Variants in SERPINB12 observed in about 807,000 individuals in gnomAD.
SERPINB12 encodes serpin B12.
Under a neutral mutation model 41.1 loss-of-function variants are expected in SERPINB12, and 57 were observed. The ratio of observed to expected loss-of-function variants is 1.39; its 90% CI spans 1.12 to 1.73. The LOEUF (loss-of-function observed/expected upper bound fraction) is 1.73, where lower values mean the gene tolerates loss of function less well. Among genes scored for constraint, SERPINB12 ranks in the 40% most tolerant of loss-of-function variants. The probability of loss-of-function intolerance (pLI) is 0.00; values close to 1 mark genes in which losing one functional copy is unlikely to be tolerated. For missense variants in SERPINB12, 536 were observed against 501.9 expected, an observed-to-expected ratio of 1.07 and a Z score of -0.65; for synonymous variants, 180 against 181.3, an observed-to-expected ratio of 0.99 and a Z score of 0.06.
At chr18:63,566,551 G>A (rs1382574851) in intron 7 of SERPINB12, 56 bp from the exon 8 acceptor site, 4 of 1,490,208 alleles carry the variant, frequency 2.7e-6, no homozygotes, top group Admixed American at 4.1e-5. Flanking sequence ...AAGTAATTGG[G>A]GCATTCTTTG....
At chr18:63,545,213 ATTTT>A (rs570308273) in intron 1 of SERPINB12, among the ~76,000 whole-genome samples, 1 of 141,574 alleles carries the variant, frequency 7.1e-6, no homozygotes, top group Admixed American at 7.2e-5. Context: ...ACATAGAACT[ATTTT>A]TTTTTTTTTT....
At chr18:63,563,852 C>T (rs1340259148) in intron 5 of SERPINB12, 126 bp from the exon 6 acceptor site, 17 of 834,628 alleles carry the variant, frequency 2.0e-5, no homozygotes, top group East Asian at 1.1e-4. Flanking sequence ...GCAGGGATCA[C>T]GCCATTGCAC....
intron 1 of SERPINB12, among the ~76,000 whole-genome samples, chr18:63,542,910 G>T (rs1405663441): frequency 6.6e-6 from 1 of 152,090 alleles, no homozygotes; most frequent in East Asian, 1.9e-4. Context: ...TTCTGTTCCT[G>T]TGTTAGTTCC....
At chr18:63,555,461 A>G (rs1040065595) in intron 1 of SERPINB12, among the ~76,000 whole-genome samples, 1 of 152,216 alleles carries the variant, frequency 6.6e-6, no homozygotes, top group African/African-American at 2.4e-5. Context: ...TTACGTGAAT[A>G]CAGGGAGTTC....
chr18:63,556,007 C>A (rs1013365944), intron 1 of SERPINB12, among the ~76,000 whole-genome samples, 135 bp from the exon 2 acceptor site: 1 of 152,050 alleles, frequency 6.6e-6, no homozygotes, highest in Non-Finnish European at 1.5e-5. Context: ...ATGATAATGA[C>A]CTTAGTTTTC....
At chr18:63,562,125 C>T (rs1910931313) in intron 5 of SERPINB12, among the ~76,000 whole-genome samples, 1 of 152,106 alleles carries the variant, frequency 6.6e-6, no homozygotes, top group African/African-American at 2.4e-5. Flanking sequence ...GTCTTGCTGG[C>T]TCTGGGCGGG....
chr18:63,520,940 T>A, the SERPINB12 span, among the ~76,000 whole-genome samples: 2 of 152,250 alleles, frequency 1.3e-5, no homozygotes, highest in Non-Finnish European at 2.9e-5. Flanking sequence ...TAACTGTGTG[T>A]ATTCAAAGAG....
the SERPINB12 span, among the ~76,000 whole-genome samples, chr18:63,529,695 G>T: frequency 6.6e-6 from 1 of 152,124 alleles, no homozygotes; most frequent in African/African-American, 2.4e-5. Context: ...ATGTGTGTGT[G>T]TGTGTGTACC....
the SERPINB12 span, among the ~76,000 whole-genome samples, chr18:63,535,475 G>A: frequency 6.6e-6 from 1 of 151,918 alleles, no homozygotes; most frequent in Non-Finnish European, 1.5e-5. Context: ...CCCAAACTAA[G>A]GGACATTTTA....
At chr18:63,526,942 A>G in the SERPINB12 span, among the ~76,000 whole-genome samples, 1 of 152,236 alleles carries the variant, frequency 6.6e-6, no homozygotes, top group Non-Finnish European at 1.5e-5. Flanking sequence ...ATGTAACTGT[A>G]CTGAATATTG....
chr18:63,565,060 G>A (rs1286836002), intron 6 of SERPINB12, among the ~76,000 whole-genome samples: 2 of 152,056 alleles, frequency 1.3e-5, no homozygotes, highest in African/African-American at 2.4e-5. Flanking sequence ...GGTGGTCCAC[G>A]CCTGTGGCCC....
rs778530222 is a variant in SERPINB12, at chr18:63,566,992, G to T, written c.1259G>T (p.Gly420Val). 3 of 1,600,302 alleles carry T rather than the reference G, an allele frequency of 1.9e-6. No homozygotes were observed. Among genetic ancestry groups the T allele is most frequent in the South Asian group, 1.1e-5 (1 of 87,842 alleles). Residue 420 changes from glycine (G) to valine (V), a missense_variant, in exon 8 of 8, where the codon GGC becomes GTC. Transcript: ENST00000382768. ...HNKTQTILFY[G>V]RVCSP ...AAAACCCAAACCATTCTCTTTTATG[G>T]CAGGGTCTGCTCTCCTTAAAAGGGG...
chr18:63,565,936 CCTCTTA>C (rs1911085468), intron 7 of SERPINB12, among the ~76,000 whole-genome samples: 1 of 152,084 alleles, frequency 6.6e-6, no homozygotes, highest in African/African-American at 2.4e-5. Flanking sequence ...TGACTTCTGG[CCTCTTA>C]CTCATACCAT....
At chr18:63,533,838 A>G in the SERPINB12 span, among the ~76,000 whole-genome samples, 1 of 152,108 alleles carries the variant, frequency 6.6e-6, no homozygotes, top group African/African-American at 2.4e-5. Flanking sequence ...AGAAGGGGAG[A>G]TTTTTTTCCA....
chr18:63,551,280 CAAAG>C (rs1436368184), intron 1 of SERPINB12, among the ~76,000 whole-genome samples: 5 of 151,302 alleles, frequency 3.3e-5, no homozygotes, highest in African/African-American at 7.3e-5. Context: ...AACAAACAAA[CAAAG>C]AAACAAAAAA....
At chr18:63,557,479 C>T (rs760072480) in intron 2 of SERPINB12, among the ~76,000 whole-genome samples, 7 of 152,142 alleles carry the variant, frequency 4.6e-5, no homozygotes, top group South Asian at 2.1e-4. Flanking sequence ...GCACATAGTG[C>T]GGGGGTTATG....
the SERPINB12 span, among the ~76,000 whole-genome samples, chr18:63,524,633 C>A: frequency 6.6e-6 from 1 of 151,958 alleles, no homozygotes; most frequent in Non-Finnish European, 1.5e-5. Context: ...ACATTTGCAA[C>A]GTGCTCAGAA....
At chr18:63,530,436 C>A in the SERPINB12 span, among the ~76,000 whole-genome samples, 1 of 152,252 alleles carries the variant, frequency 6.6e-6, no homozygotes, top group Admixed American at 6.6e-5. Flanking sequence ...ACCTTCCCCC[C>A]AAACTTCCAT....
At chr18:63,523,915 C>T in the SERPINB12 span, among the ~76,000 whole-genome samples, 2 of 152,096 alleles carry the variant, frequency 1.3e-5, no homozygotes, top group African/African-American at 4.8e-5. Context: ...GTTGAACTTC[C>T]AAGATATTGA....
Sources: gnomAD v4.1 joint callset for allele counts (sites outside exome capture counted in the v4.1 genomes callset) on GRCh38, gnomAD v4.1.1 for gene constraint, MANE v1.5 for transcripts, NCBI Gene and HGNC (gene_info 2026-07-23, HGNC 2026-07-21) for gene names.